SPTSSB: variants seen among roughly 807,000 people sequenced by gnomAD.
SPTSSB encodes the protein androgen down regulated in mouse prostate.
A neutral mutation model predicts 7.7 loss-of-function variants in SPTSSB; 6 were observed. The ratio of observed to expected loss-of-function variants is 0.78; its 90% confidence interval spans 0.43 to 1.54. SPTSSB has a LOEUF of 1.54. Ranked by LOEUF, SPTSSB falls within the 40% of genes most tolerant of loss-of-function variation. The pLI is 0.01. For synonymous variants in SPTSSB, 28 were observed against 29.7 expected (o/e 0.94, Z 0.19); for missense variants, 91 against 93.0 (o/e 0.98, Z 0.09).
chr3:161,353,046 C>T (rs1345068018), intron 2 of SPTSSB, among the ~76,000 whole-genome samples: 1 of 152,072 alleles, frequency 6.6e-6, no homozygotes, highest in Non-Finnish European at 1.5e-5. Context: ...TCTATTGCAG[C>T]TCTTTTCCTC....
chr3:161,361,294 G>C (rs1030495259), intron 1 of SPTSSB, among the ~76,000 whole-genome samples: 2 of 152,048 alleles, frequency 1.3e-5, no homozygotes, highest in African/African-American at 4.8e-5. Flanking sequence ...GTGAGGTAGC[G>C]AGAGCTCCAT....
chr3:161,360,788 A>G (rs757646575), intron 1 of SPTSSB, among the ~76,000 whole-genome samples: 1 of 152,202 alleles, frequency 6.6e-6, no homozygotes, highest in African/African-American at 2.4e-5. Context: ...TTCCATACAA[A>G]AAGACAATTG....
intron 2 of SPTSSB, among the ~76,000 whole-genome samples, chr3:161,351,003 G>T (rs1157834048): frequency 6.6e-6 from 1 of 152,038 alleles, no homozygotes; most frequent in East Asian, 1.9e-4. Flanking sequence ...CATTCTACAA[G>T]ATACCTGACC....
intron 1 of SPTSSB, among the ~76,000 whole-genome samples, chr3:161,364,602 G>A (rs1213129794): frequency 6.6e-6 from 1 of 151,808 alleles, no homozygotes; most frequent in African/African-American, 2.4e-5. Flanking sequence ...ATTTTCAAAA[G>A]AAACAAAAAG....
At chr3:161,362,287 T>A (rs1715047452) in intron 1 of SPTSSB, among the ~76,000 whole-genome samples, 2 of 152,076 alleles carry the variant, frequency 1.3e-5, no homozygotes, top group South Asian at 4.1e-4. Flanking sequence ...ATCAAACACA[T>A]GAGATCCTGT....
chr3:161,371,331 A>G, intron 1 of SPTSSB, 104 bp downstream of exon 1: 2 of 746,456 alleles, frequency 2.7e-6, no homozygotes, highest in Non-Finnish European at 3.3e-6. Flanking sequence ...AAACTGATAA[A>G]TTGCATTAAA....
At chr3:161,363,326 T>G (rs1256718289) in intron 1 of SPTSSB, among the ~76,000 whole-genome samples, 2 of 151,754 alleles carry the variant, frequency 1.3e-5, no homozygotes, top group Non-Finnish European at 2.9e-5. Flanking sequence ...CAGATTTTCT[T>G]GACTATTTGA....
At chr3:161,355,743 A>G (rs1366859358) in intron 2 of SPTSSB, among the ~76,000 whole-genome samples, 1 of 152,194 alleles carries the variant, frequency 6.6e-6, no homozygotes, top group African/African-American at 2.4e-5. Flanking sequence ...AAGATGAGAA[A>G]GTTCTAGAGA....
At chr3:161,346,397 A>G in intron 2 of SPTSSB, 42 bp from the exon 3 acceptor site, 1 of 1,018,724 alleles carries the variant, frequency 9.8e-7, no homozygotes, top group Non-Finnish European at 1.5e-6. Flanking sequence ...GGAACCAAAC[A>G]TAGAATCACT....
intron 1 of SPTSSB, among the ~76,000 whole-genome samples, chr3:161,366,592 C>G (rs1051204145): frequency 3.3e-5 from 5 of 152,064 alleles, no homozygotes; most frequent in Non-Finnish European, 7.4e-5. Context: ...AGTCTGATCT[C>G]ACTATTTAAA....
At chr3:161,346,520 T>C (rs544848836) in intron 2 of SPTSSB, among the ~76,000 whole-genome samples, 165 bp from the exon 3 acceptor site, 1 of 152,180 alleles carries the variant, frequency 6.6e-6, no homozygotes, top group African/African-American at 2.4e-5. Context: ...ATATTAACTA[T>C]AAAAATTAAT....
chr3:161,363,788 T>C (rs930399283), intron 1 of SPTSSB, among the ~76,000 whole-genome samples: 1 of 152,166 alleles, frequency 6.6e-6, no homozygotes, highest in Non-Finnish European at 1.5e-5. Flanking sequence ...TAATCATCTT[T>C]CTAATGATTG....
At chr3:161,346,635 G>A (rs1211772927) in intron 2 of SPTSSB, among the ~76,000 whole-genome samples, 1 of 152,122 alleles carries the variant, frequency 6.6e-6, no homozygotes, top group Non-Finnish European at 1.5e-5. Context: ...AATAACTTTA[G>A]TGATAATGGT....
chr3:161,360,914 T>C (rs991093471), intron 1 of SPTSSB, among the ~76,000 whole-genome samples: 1 of 152,146 alleles, frequency 6.6e-6, no homozygotes, highest in Non-Finnish European at 1.5e-5. Context: ...GACTGCCAAA[T>C]AAATAAATAA....
At chr3:161,359,301 T>C (rs534821868) in intron 2 of SPTSSB, 3 of 152,248 alleles carry the variant, frequency 2.0e-5, no homozygotes, top group Non-Finnish European at 4.4e-5. Flanking sequence ...TATTAAAACA[T>C]ATATTCCTCT....
rs781202875 is a variant in SPTSSB, at chr3:161,346,122, A to C, written c.202T>G (p.Cys68Gly). ...TTAGAAATTGTACTGTGATATCCAC[A>C]TATTTTTGAGAAAAATTCCCAAGCC... ...RLAWEFFSKICGYHSTISN is the reference protein window; with the variant it reads ...RLAWEFFSKIGGYHSTISN The change falls in exon 3 of 3, where the codon TGT becomes GGT. Residue 68 changes from cysteine to glycine, a missense_variant. By Grantham distance (159) the Cys-to-Gly change is radical (BLOSUM62 -3). Transcript: ENST00000620149. The C allele has an allele frequency of 6.2e-7, 1 of 1,600,066 alleles. No homozygotes were observed. The highest frequency in any genetic ancestry group is 8.6e-7 in the Non-Finnish European group (1 of 1,167,266).
intron 1 of SPTSSB, among the ~76,000 whole-genome samples, chr3:161,368,478 G>GTGCAGTGGC (rs1195814553): frequency 5.4e-5 from 8 of 149,148 alleles, no homozygotes; most frequent in African/African-American, 2.0e-4. Flanking sequence ...CCAGGCTGGA[G>GTGCAGTGGC]TGCAGTGGCG....
At chr3:161,366,741 T>C (rs960441912) in intron 1 of SPTSSB, among the ~76,000 whole-genome samples, 1 of 152,218 alleles carries the variant, frequency 6.6e-6, no homozygotes, top group African/African-American at 2.4e-5. Flanking sequence ...GGCCTAGAAG[T>C]GACCTGGTAC....
intron 1 of SPTSSB, among the ~76,000 whole-genome samples, chr3:161,365,890 C>T (rs1463103516): frequency 6.6e-6 from 1 of 152,142 alleles, no homozygotes; most frequent in Non-Finnish European, 1.5e-5. Flanking sequence ...AACCAAGTGC[C>T]CTGAGTAGGA....
Sources: gnomAD v4.1 joint callset for allele counts (sites outside exome capture counted in the v4.1 genomes callset) on GRCh38, gnomAD v4.1.1 for gene constraint, MANE v1.5 for transcripts, NCBI Gene and HGNC (gene_info 2026-07-23, HGNC 2026-07-21) for gene names.